The following SNCAIP variants were observed in gnomAD, a reference collection of about 807,000 sequenced individuals.
SNCAIP encodes synuclein alpha interacting protein.
Under a neutral mutation model 86.7 loss-of-function variants are expected in SNCAIP, and 43 were observed. The observed-to-expected ratio is 0.50, with a 90% CI of 0.39 to 0.64. SNCAIP has a LOEUF of 0.64. Among genes scored for constraint, SNCAIP ranks in the 30% least tolerant of loss-of-function variants. SNCAIP has a pLI of 0.00. For missense variants in SNCAIP, 981 were observed against 1,103.1 expected, an observed-to-expected ratio of 0.89 and a Z score of 1.57; for synonymous variants, 417 against 427.2, an observed-to-expected ratio of 0.98 and a Z score of 0.29.
At chr5:122,414,545 G>T (rs1360245849) in intron 3 of SNCAIP, among the ~76,000 whole-genome samples, 1 of 152,074 alleles carries the variant, frequency 6.6e-6, no homozygotes, top group East Asian at 1.9e-4. Flanking sequence ...TTACTTTTCT[G>T]ACTTTGCTCC....
rs1207135949 is a variant in SNCAIP, at chr5:122,449,950, C to T, written c.1685+13C>T. 8 of 1,562,306 alleles carry T rather than the reference C, an allele frequency of 5.1e-6. No homozygotes were observed. In the Admixed American group the frequency reaches 8.3e-5, roughly 16 times the overall value. On this transcript the variant is annotated intron_variant, in intron 9 of 10. Coordinates refer to ENST00000261368, the MANE Select transcript of SNCAIP (RefSeq NM_005460.4). ...CTTCTTCACCCAGGTAATACCAGCA[C>T]ATTGTTGTTTAGCATTCTTAAGTAT...
intron 1 of SNCAIP, among the ~76,000 whole-genome samples, chr5:122,348,174 C>T (rs1204038799): frequency 6.6e-6 from 1 of 152,020 alleles, no homozygotes; most frequent in Non-Finnish European, 1.5e-5. Context: ...TGGGATACAA[C>T]TTGAAAATGT....
chr5:122,380,673 C>T (rs1766538090), intron 1 of SNCAIP, among the ~76,000 whole-genome samples: 1 of 148,574 alleles, frequency 6.7e-6, no homozygotes, highest in Non-Finnish European at 1.5e-5. Flanking sequence ...CTCTTGTGGG[C>T]ATTTAGTGCT....
upstream of SNCAIP, chr5:122,312,096 G>C (rs1750679940): frequency 6.8e-6 from 1 of 147,180 alleles, no homozygotes; most frequent in African/African-American, 2.4e-5. Context: ...CCCCGCCCGC[G>C]CGCGCCCGTT....
intron 2 of SNCAIP, among the ~76,000 whole-genome samples, chr5:122,392,115 A>G (rs1230851920): frequency 6.6e-6 from 1 of 152,202 alleles, no homozygotes; most frequent in Non-Finnish European, 1.5e-5. Context: ...AACTTACTTT[A>G]TCATGCTTCT....
At chr5:122,377,868 C>T (rs925998730) in intron 1 of SNCAIP, among the ~76,000 whole-genome samples, 4 of 151,698 alleles carry the variant, frequency 2.6e-5, no homozygotes, top group Non-Finnish European at 5.9e-5. Flanking sequence ...AGGACATGAA[C>T]TCATCATTTT....
intron 1 of SNCAIP, among the ~76,000 whole-genome samples, chr5:122,328,355 C>A (rs1045337395): frequency 6.6e-6 from 1 of 152,178 alleles, no homozygotes; most frequent in Non-Finnish European, 1.5e-5. Flanking sequence ...AAAGTCTGCA[C>A]CCGCAAAGTA....
Position 122,432,182 on chromosome 5 carries a change from A to G in SNCAIP, c.1296+100A>G, listed in dbSNP as rs374028705. On this transcript the variant is annotated intron_variant, in intron 6 of 10. Coordinates refer to ENST00000261368, the MANE Select transcript of SNCAIP (RefSeq NM_005460.4). ...AAAATCCAAACATAAGAAATCATCAAAAATGTATCCAAAGGTATATAACCA... is the reference window on the plus strand; with the variant it reads ...AAAATCCAAACATAAGAAATCATCAGAAATGTATCCAAAGGTATATAACCA... 1,076 of 715,748 alleles carry G rather than the reference A, an allele frequency of 1.5e-3. 17 individuals are homozygous for G. Among genetic ancestry groups the G allele is most frequent in the South Asian group, 0.013 (857 of 66,524 alleles). The allele number at this position is 715,748 out of a possible 1,614,324, so 44.3% of individuals were successfully genotyped here. A position where few individuals can be genotyped will look rare whatever the true frequency, so the allele number is the denominator to read the frequency against.
chr5:122,323,084 G>T (rs1213402109), intron 1 of SNCAIP, among the ~76,000 whole-genome samples: 4 of 152,150 alleles, frequency 2.6e-5, no homozygotes, highest in Non-Finnish European at 5.9e-5. Context: ...CATAAATGAG[G>T]TCTCCAAGCT....
chr5:122,408,090 G>T (rs1773378132), intron 3 of SNCAIP, among the ~76,000 whole-genome samples: 8 of 152,188 alleles, frequency 5.3e-5, no homozygotes, highest in Admixed American at 5.2e-4. Flanking sequence ...TCCTTCCTCA[G>T]TGCTGAGTGT....
chr5:122,390,434 G>A (rs1167676272), intron 1 of SNCAIP, among the ~76,000 whole-genome samples: 2 of 152,164 alleles, frequency 1.3e-5, no homozygotes, highest in African/African-American at 2.4e-5. Context: ...AAGACGTTCC[G>A]GGGCCTGCAT....
chr5:122,353,497 GC>G (rs1258803374), intron 1 of SNCAIP, among the ~76,000 whole-genome samples: 1 of 151,284 alleles, frequency 6.6e-6, no homozygotes, highest in African/African-American at 2.4e-5. Flanking sequence ...GTTTGGCTGT[GC>G]CCCCACCCAA....
chr5:122,312,211 C>T (rs1175531869), upstream of SNCAIP: 1 of 151,630 alleles, frequency 6.6e-6, no homozygotes, highest in African/African-American at 2.4e-5. Context: ...TGTTCTGCTC[C>T]TGCCGCTGCG....
intron 1 of SNCAIP, among the ~76,000 whole-genome samples, chr5:122,324,112 C>G (rs771409945): frequency 5.3e-5 from 8 of 152,120 alleles, no homozygotes; most frequent in Admixed American, 1.3e-4. Flanking sequence ...GGAAAAATTT[C>G]TATTTGATCT....
At chr5:122,352,750 C>T (rs1360891117) in intron 1 of SNCAIP, among the ~76,000 whole-genome samples, 3 of 152,152 alleles carry the variant, frequency 2.0e-5, no homozygotes, top group African/African-American at 4.8e-5. Context: ...GTGGCTCACA[C>T]CTGTGATCCA....
chr5:122,438,539 C>G (rs1780058638), intron 6 of SNCAIP, among the ~76,000 whole-genome samples: 1 of 152,162 alleles, frequency 6.6e-6, no homozygotes, highest in Admixed American at 6.5e-5. Flanking sequence ...ATGTATAGCT[C>G]ATATTTGTTT....
At chr5:122,392,399 ACT>A (rs142215304) in intron 2 of SNCAIP, among the ~76,000 whole-genome samples, 23 of 144,704 alleles carry the variant, frequency 1.6e-4, no homozygotes, top group East Asian at 1.4e-3. Context: ...TCTGTCTGCC[ACT>A]CTCTCTCTCT....
intron 1 of SNCAIP, among the ~76,000 whole-genome samples, chr5:122,357,489 C>T (rs1337236676): frequency 2.0e-5 from 3 of 152,152 alleles, no homozygotes; most frequent in Admixed American, 6.5e-5. Flanking sequence ...CCGCCTCAGA[C>T]TCCCAAAGTG....
intron 3 of SNCAIP, among the ~76,000 whole-genome samples, chr5:122,421,132 C>A (rs1375099339): frequency 1.3e-5 from 2 of 152,212 alleles, no homozygotes; most frequent in Admixed American, 6.5e-5. Flanking sequence ...CATCTAGATA[C>A]CTTCCTTCCC....
Sources: allele counts gnomAD v4.1 joint callset (sites outside exome capture counted in the v4.1 genomes callset), GRCh38; gene constraint gnomAD v4.1.1; transcripts MANE v1.5; gene names NCBI Gene and HGNC (gene_info 2026-07-23, HGNC 2026-07-21).